ADAM18: variants seen among roughly 807,000 people sequenced by gnomAD.
ADAM18 encodes the protein disintegrin and metalloproteinase domain-containing protein 18.
In ADAM18, 117 loss-of-function variants were observed where a neutral mutation model predicts 94.4. That is an observed-to-expected ratio of 1.24 (90% CI 1.07 to 1.45). The LOEUF is 1.45. Ranked by LOEUF, ADAM18 falls within the 40% of genes most tolerant of loss-of-function variation. The probability of loss-of-function intolerance (pLI) is 0.00; values close to 1 mark genes in which losing one functional copy is unlikely to be tolerated. For missense variants in ADAM18, 936 were observed against 880.0 expected, an observed-to-expected ratio of 1.06 and a Z score of -0.81; for synonymous variants, 327 against 291.6, an observed-to-expected ratio of 1.12 and a Z score of -1.24.
chr8:39,678,897 T>C (rs1315286098), intron 15 of ADAM18, among the ~76,000 whole-genome samples: 3 of 152,176 alleles, frequency 2.0e-5, no homozygotes, highest in Non-Finnish European at 2.9e-5. Context: ...AAAATAGTTC[T>C]AAGAATTTAA....
chr8:39,649,186 C>T (rs977566819), intron 12 of ADAM18, among the ~76,000 whole-genome samples: 1 of 151,982 alleles, frequency 6.6e-6, no homozygotes, highest in Non-Finnish European at 1.5e-5. Flanking sequence ...ACACGAATTC[C>T]TCCTCCCTAC....
chr8:39,633,587 T>C (rs1819993064), intron 7 of ADAM18, among the ~76,000 whole-genome samples: 1 of 152,114 alleles, frequency 6.6e-6, no homozygotes, highest in African/African-American at 2.4e-5. Context: ...TGTTAGAAAG[T>C]GGCCAATCAC....
At position 39,648,889 on chromosome 8, in the gene ADAM18, A is replaced by G. The variant is rs548094972; in HGVS notation, c.1230+362A>G. 4.6e-5 allele frequency among the ~76,000 whole-genome samples: 7 copies of G among 152,204 alleles called. No individual in the cohort carries two copies. In the East Asian group the frequency reaches 1.4e-3, roughly 29 times the overall value. On this transcript the variant is annotated intron_variant, in intron 12 of 19. Transcript: ENST00000265707. ...CTAAATGTGATCCAAATTTTTCCCT[A>G]TCTCTTGTTCTTGCAAGAATTGCTA...
chr8:39,717,250 T>C (rs139760173), intron 18 of ADAM18, among the ~76,000 whole-genome samples: 78 of 151,776 alleles, frequency 5.1e-4, no homozygotes, highest in African/African-American at 1.8e-3. Flanking sequence ...CTCTGTGTTA[T>C]TGTTGTCACA....
At position 39,690,293 on chromosome 8, in the gene ADAM18, T is replaced by C. The variant is rs552076588; in HGVS notation, c.1822-2307T>C. On this transcript the variant is annotated intron_variant, in intron 16 of 19. Transcript: ENST00000265707. Reference sequence around the variant, plus strand: ...CATGTGGCACCATGGGCAGGGGTGCTTAGGAGGGGATTACAGGAGCATGGC... The same window carrying C: ...CATGTGGCACCATGGGCAGGGGTGCCTAGGAGGGGATTACAGGAGCATGGC... 3.3e-5 allele frequency among the ~76,000 whole-genome samples: 5 copies of C among 151,708 alleles called. No individual in the cohort carries two copies. In the East Asian group the frequency reaches 9.7e-4, roughly 30 times the overall value.
At chr8:39,703,165 AT>A (rs1410677526) in intron 17 of ADAM18, among the ~76,000 whole-genome samples, 1 of 152,000 alleles carries the variant, frequency 6.6e-6, no homozygotes, top group African/African-American at 2.4e-5. Context: ...TCTTTGAGCA[AT>A]GTTTTGTAGT....
At chr8:39,651,533 G>A (rs1049792702) in intron 12 of ADAM18, among the ~76,000 whole-genome samples, 3 of 152,156 alleles carry the variant, frequency 2.0e-5, no homozygotes, top group East Asian at 3.9e-4. Context: ...CAAGCATTCT[G>A]CCTTCAAGCA....
intron 7 of ADAM18, 151 bp downstream of exon 7, chr8:39,629,590 T>C: frequency 1.9e-6 from 1 of 526,916 alleles, no homozygotes; most frequent in Non-Finnish European, 3.3e-6. Context: ...TCTCCTCTCT[T>C]TTCCTCCCCT....
At chr8:39,611,225 A>T (rs1299168041) in intron 6 of ADAM18, 6 of 560,130 alleles carry the variant, frequency 1.1e-5, no homozygotes, top group Non-Finnish European at 1.4e-5. Context: ...TATTATTCTT[A>T]TTGGGAATTC....
At chr8:39,718,402 T>C (rs977904023) in intron 18 of ADAM18, among the ~76,000 whole-genome samples, 8 of 151,596 alleles carry the variant, frequency 5.3e-5, no homozygotes, top group Non-Finnish European at 1.2e-4. Context: ...TTCTGCAATA[T>C]GCAGTGACAT....
intron 6 of ADAM18, 58 bp downstream of exon 6, chr8:39,610,764 T>C (rs760288407): frequency 3.9e-6 from 6 of 1,535,082 alleles, no homozygotes; most frequent in Non-Finnish European, 5.2e-6. Flanking sequence ...GTAGTTTTCT[T>C]GTAAATCATG....
chr8:39,678,463 G>C (rs1821354734), intron 15 of ADAM18, among the ~76,000 whole-genome samples: 1 of 152,170 alleles, frequency 6.6e-6, no homozygotes, highest in Non-Finnish European at 1.5e-5. Context: ...AGGAGGATTA[G>C]TACATGGAAA....
chr8:39,676,132 C>T (rs1424943251), intron 14 of ADAM18, among the ~76,000 whole-genome samples: 2 of 152,206 alleles, frequency 1.3e-5, no homozygotes, highest in African/African-American at 4.8e-5. Context: ...CAGTCTGTCC[C>T]TTCTCAGAGC....
chr8:39,596,948 A>G, intron 2 of ADAM18, among the ~76,000 whole-genome samples: 1 of 152,180 alleles, frequency 6.6e-6, no homozygotes, highest in East Asian at 1.9e-4. Flanking sequence ...GAGCAGTATT[A>G]GGTTCAGAGA....
chr8:39,585,737 A>G (rs1818377012), intron 2 of ADAM18, among the ~76,000 whole-genome samples: 1 of 152,228 alleles, frequency 6.6e-6, no homozygotes, highest in African/African-American at 2.4e-5. Flanking sequence ...AATTTGACCC[A>G]CAAGCATCAG....
intron 16 of ADAM18, among the ~76,000 whole-genome samples, chr8:39,688,394 C>A (rs1247733179): frequency 6.6e-6 from 1 of 152,106 alleles, no homozygotes; most frequent in Admixed American, 6.6e-5. Flanking sequence ...CAGCCTCCAC[C>A]CTACCAAAGA....
intron 17 of ADAM18, among the ~76,000 whole-genome samples, chr8:39,706,060 T>C (rs1185364438): frequency 1.3e-5 from 2 of 152,148 alleles, no homozygotes; most frequent in Non-Finnish European, 2.9e-5. Flanking sequence ...TTCAGTTCTA[T>C]ACACTTTTAT....
intron 17 of ADAM18, among the ~76,000 whole-genome samples, chr8:39,703,592 C>T (rs920410060): frequency 1.3e-5 from 2 of 151,882 alleles, no homozygotes; most frequent in African/African-American, 4.8e-5. Context: ...AGCTTTTGCC[C>T]GTTGATTATG....
intron 12 of ADAM18, among the ~76,000 whole-genome samples, chr8:39,654,035 A>G (rs1820615191): frequency 6.7e-6 from 1 of 150,112 alleles, no homozygotes; most frequent in African/African-American, 2.5e-5. Context: ...GATCCACTTT[A>G]TATGCTTCCA....
Sources: allele counts gnomAD v4.1 joint callset (sites outside exome capture counted in the v4.1 genomes callset), GRCh38; gene constraint gnomAD v4.1.1; transcripts MANE v1.5; gene names NCBI Gene and HGNC (gene_info 2026-07-23, HGNC 2026-07-21).